CIB1: variants seen among roughly 807,000 people sequenced by gnomAD.
CIB1 encodes the protein calcium and integrin-binding protein 1.
CIB1 carries 19 observed loss-of-function variants against 25.0 expected under a neutral mutation model. The observed-to-expected ratio is 0.76, with a 90% CI of 0.53 to 1.12. CIB1 has a LOEUF of 1.12. Among genes scored for constraint, CIB1 ranks in the 50% most tolerant of loss-of-function variants. CIB1 has a pLI of 0.00. For synonymous variants in CIB1, 104 were observed against 98.5 expected (o/e 1.06, Z -0.33); for missense variants, 236 against 242.6 (o/e 0.97, Z 0.18).
chr15:90,254,647 G>A, the CIB1 span, among the ~76,000 whole-genome samples: 5 of 151,818 alleles, frequency 3.3e-5, no homozygotes, highest in African/African-American at 9.7e-5. Flanking sequence ...AGACCAGCCT[G>A]GGCAACAGGC....
At chr15:90,241,583 C>G in the CIB1 span, 1 of 1,613,468 alleles carries the variant, frequency 6.2e-7, no homozygotes. Flanking sequence ...ATTACCTGGC[C>G]CACAGACTGC....
the CIB1 span, chr15:90,262,652 C>A: frequency 6.7e-7 from 1 of 1,494,508 alleles, no homozygotes; most frequent in South Asian, 1.3e-5. Context: ...TTACAGGAAC[C>A]GCAACTGGGA....
the CIB1 span, chr15:90,264,609 G>T: frequency 8.0e-7 from 1 of 1,254,282 alleles, no homozygotes; most frequent in South Asian, 1.5e-5. Flanking sequence ...ACAGTGGAGG[G>T]AAGCATGAGA....
At chr15:90,259,945 A>G in the CIB1 span, among the ~76,000 whole-genome samples, 4 of 152,184 alleles carry the variant, frequency 2.6e-5, no homozygotes, top group African/African-American at 9.7e-5. Flanking sequence ...TGCTCTTCCC[A>G]CTTACATTCC....
chr15:90,230,655 G>T, intron 6 of CIB1, 150 bp from the exon 7 acceptor site: 1 of 839,182 alleles, frequency 1.2e-6, no homozygotes, highest in Non-Finnish European at 1.9e-6. Flanking sequence ...GAGACATCCA[G>T]AGGGAGCTTT....
the CIB1 span, among the ~76,000 whole-genome samples, chr15:90,247,162 G>C: frequency 6.7e-5 from 10 of 148,238 alleles, no homozygotes; most frequent in Non-Finnish European, 1.2e-4. Context: ...TTTTAGTAGA[G>C]ACAGGGTTTC....
the CIB1 span, chr15:90,241,157 A>G: frequency 6.2e-7 from 1 of 1,614,160 alleles, no homozygotes; most frequent in Non-Finnish European, 8.5e-7. Context: ...TACGGGAGCT[A>G]CAGACCCAAA....
chr15:90,249,069 G>A, the CIB1 span, among the ~76,000 whole-genome samples: 1 of 152,008 alleles, frequency 6.6e-6, no homozygotes, highest in Admixed American at 6.6e-5. Flanking sequence ...AATTGAGCCC[G>A]GCGTGGTGGC....
At chr15:90,232,884 C>A (rs1357928892) in intron 2 of CIB1, among the ~76,000 whole-genome samples, 1 of 151,222 alleles carries the variant, frequency 6.6e-6, no homozygotes, top group Non-Finnish European at 1.5e-5. Context: ...GAGCCAAGAT[C>A]GTGCCCCAGC....
upstream of CIB1, among the ~76,000 whole-genome samples, chr15:90,235,549 G>A (rs3935948): frequency 6.6e-6 from 1 of 151,836 alleles, no homozygotes; most frequent in South Asian, 2.1e-4. Flanking sequence ...CTAGGGTATA[G>A]GCCCATCCCA....
At chr15:90,265,289 G>A in the CIB1 span, 1 of 1,231,120 alleles carries the variant, frequency 8.1e-7, no homozygotes, top group Non-Finnish European at 1.0e-6. Flanking sequence ...AGGCCATCCA[G>A]GAGACAATGA....
chr15:90,230,902 G>A (rs370911524), intron 6 of CIB1, 32 bp downstream of exon 6: 1 of 1,583,256 alleles, frequency 6.3e-7, no homozygotes, highest in East Asian at 2.2e-5. Context: ...GAACCTGCAG[G>A]TACCCAGAAT....
chr15:90,264,867 T>G, the CIB1 span: 20 of 1,535,816 alleles, frequency 1.3e-5, no homozygotes, highest in African/African-American at 2.3e-4. Flanking sequence ...CCCTCCATGG[T>G]AAACTCTGAA....
chr15:90,248,351 G>A, the CIB1 span, among the ~76,000 whole-genome samples: 1 of 152,086 alleles, frequency 6.6e-6, no homozygotes, highest in East Asian at 1.9e-4. Flanking sequence ...TGAATATGTG[G>A]GCAAAGAAAT....
chr15:90,242,221 G>C, the CIB1 span: 1 of 496,112 alleles, frequency 2.0e-6, no homozygotes, highest in Non-Finnish European at 3.5e-6. Flanking sequence ...TTGAGTAGCT[G>C]AGACTATAGG....
the CIB1 span, among the ~76,000 whole-genome samples, chr15:90,248,366 T>C: frequency 6.6e-6 from 1 of 152,178 alleles, no homozygotes; most frequent in Non-Finnish European, 1.5e-5. Flanking sequence ...AGAAATAGCT[T>C]ATCTTTATAG....
the CIB1 span, among the ~76,000 whole-genome samples, chr15:90,259,433 A>T: frequency 6.6e-6 from 1 of 152,032 alleles, no homozygotes; most frequent in African/African-American, 2.4e-5. Flanking sequence ...TCAAAATTTT[A>T]AAAATACAGA....
chr15:90,259,999 A>G, the CIB1 span, among the ~76,000 whole-genome samples: 1 of 152,238 alleles, frequency 6.6e-6, no homozygotes, highest in African/African-American at 2.4e-5. Flanking sequence ...CGAGAGCCAC[A>G]GGGCCTGGGA....
chr15:90,241,704 T>A, the CIB1 span: 1 of 1,614,246 alleles, frequency 6.2e-7, no homozygotes, highest in African/African-American at 1.3e-5. Flanking sequence ...AGGGCCTGAC[T>A]TGGAGTCCTT....
Sources: allele counts gnomAD v4.1 joint callset (sites outside exome capture counted in the v4.1 genomes callset), GRCh38; gene constraint gnomAD v4.1.1; transcripts MANE v1.5; gene names NCBI Gene and HGNC (gene_info 2026-07-23, HGNC 2026-07-21).